PPP3R1: variants seen among roughly 807,000 people sequenced by gnomAD.
PPP3R1 encodes the protein protein phosphatase 3 regulatory subunit B, alpha, also known as calcineurin subunit B type 1.
Under a neutral mutation model 22.6 loss-of-function variants are expected in PPP3R1, and 5 were observed. That is an observed-to-expected ratio of 0.22 (90% CI 0.12 to 0.46). The LOEUF (loss-of-function observed/expected upper bound fraction) is 0.46, where lower values mean the gene tolerates loss of function less well. Among genes scored for constraint, PPP3R1 ranks in the 20% least tolerant of loss-of-function variants. PPP3R1 has a pLI of 0.99. For synonymous variants in PPP3R1, 56 were observed against 65.2 expected (o/e 0.86, Z 0.68); for missense variants, 61 against 203.2 (o/e 0.30, Z 4.25).
chr2:68,205,269 C>T (rs1243342574), intron 2 of PPP3R1, among the ~76,000 whole-genome samples: 4 of 120,340 alleles, frequency 3.3e-5, no homozygotes, highest in Non-Finnish European at 5.0e-5. Flanking sequence ...TTTGAAACGG[C>T]GTTTCACTCG....
chr2:68,185,945 A>C (rs1346140161), intron 5 of PPP3R1, among the ~76,000 whole-genome samples: 4 of 152,240 alleles, frequency 2.6e-5, no homozygotes, highest in African/African-American at 9.6e-5. Flanking sequence ...ACAACTATCA[A>C]AATCACTTGT....
chr2:68,199,516 G>T (rs1674913465), intron 2 of PPP3R1, among the ~76,000 whole-genome samples: 1 of 152,134 alleles, frequency 6.6e-6, no homozygotes, highest in Admixed American at 6.5e-5. Context: ...GTCAAGAGTG[G>T]AAAATCTTGT....
chr2:68,202,226 T>C (rs1317957975), intron 2 of PPP3R1, among the ~76,000 whole-genome samples: 1 of 152,216 alleles, frequency 6.6e-6, no homozygotes, highest in East Asian at 1.9e-4. Context: ...AGCTAGACTT[T>C]TTCACTAGCT....
chr2:68,248,010 T>C (rs1469835754), intron 1 of PPP3R1, among the ~76,000 whole-genome samples: 1 of 152,278 alleles, frequency 6.6e-6, no homozygotes, highest in Non-Finnish European at 1.5e-5. Context: ...AACTTCCCAC[T>C]GCTTTTAGGA....
Position 68,179,915 on chromosome 2 carries a change from T to A in PPP3R1, c.*1048A>T, listed in dbSNP as rs1385510769. The A allele has an allele frequency of 6.6e-6, 1 of 152,196 alleles. No homozygotes were observed. The highest frequency in any genetic ancestry group is 1.5e-5 in the Non-Finnish European group (1 of 68,034). The allele number at this position is 152,196 out of a possible 1,614,324, so 9.4% of individuals were successfully genotyped here. A position where few individuals can be genotyped will look rare whatever the true frequency, so the allele number is the denominator to read the frequency against. On this transcript the variant is annotated 3_prime_UTR_variant, in exon 6 of 6. Coordinates refer to ENST00000234310, the MANE Select transcript of PPP3R1 (RefSeq NM_000945.4). ...TACATGCATATTAAATATCACCAGT[T>A]TTTTAGATTAGCTGCAAGTCTTTTG...
intron 3 of PPP3R1, 68 bp downstream of exon 3, chr2:68,188,446 T>TTA: frequency 8.4e-7 from 1 of 1,193,360 alleles, no homozygotes; most frequent in East Asian, 2.6e-5. Flanking sequence ...TTTTTTTTTT[T>TTA]ACACAGAGCT....
At chr2:68,245,317 G>T (rs1049024489) in intron 1 of PPP3R1, among the ~76,000 whole-genome samples, 1 of 151,958 alleles carries the variant, frequency 6.6e-6, no homozygotes, top group African/African-American at 2.4e-5. Flanking sequence ...AGCTGAGATC[G>T]CACCACCGCA....
chr2:68,181,074 C>T (rs1018831170), intron 5 of PPP3R1, 64 bp from the exon 6 acceptor site: 2 of 1,484,800 alleles, frequency 1.3e-6, no homozygotes, highest in Non-Finnish European at 9.4e-7. Flanking sequence ...CGTGGTCTAA[C>T]TACTTCATCA....
intron 1 of PPP3R1, among the ~76,000 whole-genome samples, chr2:68,223,452 T>C (rs1484871387): frequency 6.6e-6 from 1 of 152,066 alleles, no homozygotes; most frequent in Middle Eastern, 3.2e-3. Flanking sequence ...TGACCAATAA[T>C]GTAAAAATCC....
intron 5 of PPP3R1, among the ~76,000 whole-genome samples, 199 bp from the exon 6 acceptor site, chr2:68,181,209 G>GTGAA (rs1320679463): frequency 1.3e-5 from 2 of 152,074 alleles, no homozygotes. Flanking sequence ...CTAACACACG[G>GTGAA]TGAAACCTTG....
At chr2:68,183,545 T>C (rs573141751) in intron 5 of PPP3R1, among the ~76,000 whole-genome samples, 6 of 152,204 alleles carry the variant, frequency 3.9e-5, no homozygotes, top group South Asian at 2.1e-4. Context: ...TTCCCTCCAT[T>C]TTCCTTCTGG....
intron 1 of PPP3R1, among the ~76,000 whole-genome samples, chr2:68,241,153 T>G (rs1321514619): frequency 7.0e-6 from 1 of 143,424 alleles, no homozygotes; most frequent in Non-Finnish European, 1.5e-5. Context: ...ACTCCACAGA[T>G]GCTCAAGTCC....
At chr2:68,218,455 T>C (rs1422580280) in intron 1 of PPP3R1, among the ~76,000 whole-genome samples, 6 of 152,162 alleles carry the variant, frequency 3.9e-5, no homozygotes, top group Admixed American at 2.0e-4. Context: ...AAATATCAAA[T>C]ATGTTAAAGT....
chr2:68,223,987 T>C (rs1558638790), intron 1 of PPP3R1, among the ~76,000 whole-genome samples: 1 of 152,186 alleles, frequency 6.6e-6, no homozygotes, highest in South Asian at 2.1e-4. Context: ...TAAATATATT[T>C]CATATTCTGG....
intron 2 of PPP3R1, among the ~76,000 whole-genome samples, chr2:68,197,799 C>T (rs1674820929): frequency 6.6e-6 from 1 of 151,718 alleles, no homozygotes; most frequent in Admixed American, 6.6e-5. Flanking sequence ...ATTTTTAAAA[C>T]CAAAACCTTT....
intron 2 of PPP3R1, among the ~76,000 whole-genome samples, chr2:68,215,693 G>GA (rs945361669): frequency 2.6e-5 from 4 of 152,116 alleles, no homozygotes; most frequent in African/African-American, 9.7e-5. Context: ...AATATAACAT[G>GA]AAACTCTGGT....
chr2:68,195,929 A>AT (rs1674757162), intron 2 of PPP3R1, among the ~76,000 whole-genome samples: 1 of 151,688 alleles, frequency 6.6e-6, no homozygotes, highest in Admixed American at 6.6e-5. Flanking sequence ...CTGGCACCAT[A>AT]ATATGTTCAA....
At chr2:68,221,772 C>T (rs901206656) in intron 1 of PPP3R1, among the ~76,000 whole-genome samples, 2 of 150,532 alleles carry the variant, frequency 1.3e-5, no homozygotes, top group Non-Finnish European at 3.0e-5. Flanking sequence ...ATACATACAA[C>T]ATAATTACTA....
intron 1 of PPP3R1, among the ~76,000 whole-genome samples, chr2:68,243,130 A>T (rs539289552): frequency 7.2e-5 from 11 of 152,318 alleles, no homozygotes; most frequent in Non-Finnish European, 1.3e-4. Context: ...AAAACAAAAC[A>T]AAACTCTATG....
Sources: allele counts gnomAD v4.1 joint callset (sites outside exome capture counted in the v4.1 genomes callset), GRCh38; gene constraint gnomAD v4.1.1; transcripts MANE v1.5; gene names NCBI Gene and HGNC (gene_info 2026-07-23, HGNC 2026-07-21).